Variants in ABCA7 observed in about 807,000 individuals in gnomAD.
The protein encoded by ABCA7 is phospholipid-transporting ATPase ABCA7.
In ABCA7, 261 loss-of-function variants were observed where a neutral mutation model predicts 227.6. That is an observed-to-expected ratio of 1.15 (90% CI 1.04 to 1.27). The LOEUF (loss-of-function observed/expected upper bound fraction) is 1.27, where lower values mean the gene tolerates loss of function less well. ABCA7 is among the 50% of genes most tolerant of loss of function. The probability of loss-of-function intolerance (pLI) is 0.00; values close to 1 mark genes in which losing one functional copy is unlikely to be tolerated. For synonymous variants in ABCA7, 1,488 were observed against 1,279.7 expected (o/e 1.16, Z -3.47); for missense variants, 3,331 against 2,924.5 (o/e 1.14, Z -3.21).
chr19:1,050,197 G>C (rs897445422), intron 18 of ABCA7, among the ~76,000 whole-genome samples: 4 of 150,770 alleles, frequency 2.7e-5, no homozygotes, highest in Non-Finnish European at 5.9e-5. Context: ...GATTGCCTGA[G>C]GTCAGAGTTT....
At position 1,049,366 on chromosome 19, in the gene ABCA7, C is replaced by T. The variant is rs553617492; in HGVS notation, c.2481C>T (p.Leu827=). The change falls in exon 18 of 47, where the codon CTC becomes CTT. Residue 827 remains leucine, a synonymous_variant. Coordinates refer to ENST00000263094, the MANE Select transcript of ABCA7 (RefSeq NM_019112.4). ...PGSPQPALRG[L]SLDFYQGHIT... is the part of the protein sequence containing the mutation. ...GCCCGCAGCCAGCCCTGCGGGGGCT[C>T]AGCCTGGACTTCTACCAGGGCCACA... 2.1e-5 allele frequency: 34 copies of T among 1,611,400 alleles called. No homozygotes were observed. Among genetic ancestry groups the T allele is most frequent in the Admixed American group, 5.0e-5 (3 of 59,912 alleles).
At chr19:1,053,212 A>C in intron 23 of ABCA7, 117 bp from the exon 24 acceptor site, 2 of 1,129,588 alleles carry the variant, frequency 1.8e-6, no homozygotes, top group South Asian at 1.5e-5. Context: ...CTACGTTCTT[A>C]ACCCTGATCT....
At position 1,047,325 on chromosome 19, in the gene ABCA7, G is replaced by A. The variant is rs543428100; in HGVS notation, c.2014G>A (p.Val672Met). ...LAYFSLYLPY[V>M]LCVAWRDRLP... ...CTACTTCTCCCTCTACCTGCCCTAC[G>A]TGCTGTGTGTGGCTTGGCGGGACCG... The change falls in exon 15 of 47, where the codon GTG becomes ATG. Residue 672 changes from valine (V) to methionine (M), a missense_variant. Physicochemically the swap from Val to Met is conservative, Grantham distance 21. Transcript: ENST00000263094. 1.1e-5 allele frequency: 18 copies of A among 1,600,254 alleles called. No individual in the cohort carries two copies. In the South Asian group the frequency reaches 2.0e-4, roughly 18 times the overall value.
At chr19:1,049,517 C>CTG (rs1478879034) in intron 18 of ABCA7, 80 bp downstream of exon 18, 1 of 143,864 alleles carries the variant, frequency 7.0e-6, no homozygotes. Context: ...TCCCCGTGAG[C>CTG]CCCCCACCAC....
At chr19:1,045,690 G>A (rs1270653266) in intron 12 of ABCA7, 3 of 143,534 alleles carry the variant, frequency 2.1e-5, no homozygotes, top group East Asian at 2.4e-4. Context: ...CCAACCTCAC[G>A]AAAATATCTT....
Position 1,064,973 on chromosome 19 carries a change from A to G in ABCA7, c.6087A>G (p.Ala2029=). ...GHTLTLRVPA[A]RSQPAAAFVA... is the part of the protein sequence containing the mutation. ...CACTGACCCTGCGGGTGCCCGCCGC[A>G]AGGTCCCAGCCGGCAGCGGCCTTCG... Residue 2029 remains alanine (A), a synonymous_variant, in exon 46 of 47, where the codon GCA becomes GCG. Coordinates refer to ENST00000263094, the MANE Select transcript of ABCA7 (RefSeq NM_019112.4). 6.4e-7 allele frequency: 1 copy of G among 1,552,470 alleles called. No individual in the cohort carries two copies. The highest frequency in any genetic ancestry group is 1.4e-5 in the African/African-American group (1 of 73,096).
chr19:1,062,036 C>G (rs2042690040), intron 41 of ABCA7, 136 bp from the exon 42 acceptor site: 2 of 1,461,526 alleles, frequency 1.4e-6, no homozygotes, highest in Non-Finnish European at 1.8e-6. Flanking sequence ...ACCTCCCACA[C>G]GCGGACCAGG....
chr19:1,046,195 C>A (rs773550406), intron 12 of ABCA7, 35 bp from the exon 13 acceptor site: 1 of 1,599,184 alleles, frequency 6.3e-7, no homozygotes, highest in Non-Finnish European at 8.5e-7. Flanking sequence ...GTTTCTAGCC[C>A]TTCCCTACAA....
intron 24 of ABCA7, 31 bp from the exon 25 acceptor site, chr19:1,053,757 C>T: frequency 6.2e-7 from 1 of 1,600,208 alleles, no homozygotes; most frequent in Non-Finnish European, 8.5e-7. Context: ...CTGTCGGTGT[C>T]CAGTCTCTGA....
Position 1,046,220 on chromosome 19 carries a change from C to T in ABCA7, c.1446-10C>T. On this transcript the variant is annotated splice_polypyrimidine_tract_variant and intron_variant, in intron 12 of 46. Transcript: ENST00000263094. ...CTTCCCTACAACCGGCCACCATGCC[C>T]CTCTCGCAGGTTTTGGGACCCTGGC... The T allele has an allele frequency of 4.4e-6, 7 of 1,605,752 alleles. No individual in the cohort carries two copies. Among genetic ancestry groups the T allele is most frequent in the South Asian group, 1.1e-5 (1 of 91,016 alleles).
In ABCA7 at chr19:1,047,437, G is replaced by A. The variant is rs762720910; in HGVS notation, c.2068-16G>A. 12 of 1,537,884 alleles carry A rather than the reference G, an allele frequency of 7.8e-6. No individual in the cohort carries two copies. The highest frequency in any genetic ancestry group is 2.7e-5 in the African/African-American group (2 of 73,258). Reference sequence around the variant, plus strand: ...CCCCCGCTTCGGCCGCTCACTGACCGCCCGCTTTTCCGCAGAGCCTGCTGT... The same window carrying A: ...CCCCCGCTTCGGCCGCTCACTGACCACCCGCTTTTCCGCAGAGCCTGCTGT... On this transcript the variant is annotated splice_polypyrimidine_tract_variant and intron_variant, in intron 15 of 46. Coordinates refer to ENST00000263094, the MANE Select transcript of ABCA7 (RefSeq NM_019112.4).
chr19:1,057,106 G>A lies in ABCA7; in HGVS notation c.4764+22G>A, dbSNP rs761767971. 8.7e-6 allele frequency: 14 copies of A among 1,602,916 alleles called. No individual in the cohort carries two copies. In the South Asian group the frequency reaches 1.3e-4, roughly 15 times the overall value. ...CATGGTGCGGGGGCTGCTTGGACGG[G>A]TGGGGGCCCAGCCACTGCTTGCCAC... On this transcript the variant is annotated intron_variant, in intron 34 of 46. Coordinates refer to ENST00000263094, the MANE Select transcript of ABCA7 (RefSeq NM_019112.4).
chr19:1,050,938 T>A lies in ABCA7; in HGVS notation c.2570T>A (p.Leu857His), dbSNP rs1420768474. 2 of 1,608,976 alleles carry A rather than the reference T, an allele frequency of 1.2e-6. No individual in the cohort carries two copies. The highest frequency in any genetic ancestry group is 3.3e-5 in the Admixed American group (2 of 59,740). ...KTTTLSILSGLFPPSGGSAFI... is the reference protein window; with the variant it reads ...KTTTLSILSGHFPPSGGSAFI... Reference sequence around the variant, plus strand: ...ATCCACAGGTCCATCTTGAGTGGCCTCTTCCCACCCAGTGGTGGCTCTGCC... The same window carrying A: ...ATCCACAGGTCCATCTTGAGTGGCCACTTCCCACCCAGTGGTGGCTCTGCC... Residue 857 changes from leucine (L) to histidine (H), a missense_variant, in exon 19 of 47, where the codon CTC becomes CAC. Leu to His is a moderately conservative substitution (Grantham distance 99). Transcript: ENST00000263094.
chr19:1,045,174 G>A lies in ABCA7; in HGVS notation c.1388G>A (p.Arg463His), dbSNP rs3752233. The change falls in exon 12 of 47, where the codon CGC becomes CAC. Residue 463 changes from arginine to histidine, a missense_variant. Transcript: ENST00000263094. The part of the protein sequence containing the change: ...PTPDLGPGHV[R>H]IKIRMDIDVV... ...CCAGACCTGGGCCCCGGCCACGTGC[G>A]CATCAAAATCCGCATGGACATTGAC... The A allele has an allele frequency of 0.042, 67,936 of 1,610,838 alleles. 1,999 individuals carry two copies. Among genetic ancestry groups the A allele is most frequent in the East Asian group, 0.16 (7,317 of 44,840 alleles).
At position 1,052,144 on chromosome 19, in the gene ABCA7, C is replaced by T. The variant is rs764848867; in HGVS notation, c.3147+18C>T. 6.2e-6 allele frequency: 10 copies of T among 1,610,698 alleles called. No homozygotes were observed. The highest frequency in any genetic ancestry group is 1.7e-4 in the Middle Eastern group (1 of 6,054). ...ATGAGAAGGTGGGGACCGGCCTTCT[C>T]CTGACCCCTGACCCCCGGGACTCTG... On this transcript the variant is annotated intron_variant, in intron 22 of 46. Coordinates refer to ENST00000263094, the MANE Select transcript of ABCA7 (RefSeq NM_019112.4).
At position 1,052,291 on chromosome 19, in the gene ABCA7, G is replaced by A; in HGVS notation, c.3220+5G>A. 1 of 1,537,180 alleles carries A rather than the reference G, an allele frequency of 6.5e-7. No homozygotes were observed. The highest frequency in any genetic ancestry group is 8.7e-7 in the Non-Finnish European group (1 of 1,143,630). On this transcript the variant is annotated splice_donor_5th_base_variant and intron_variant, in intron 23 of 46. Transcript: ENST00000263094. Reference sequence around the variant, plus strand: ...GCAGCCAGGGCAGCAGAGTCGGTGAGGGCCGGGGTGGGAGACCCAAGGCGG... The same window carrying A: ...GCAGCCAGGGCAGCAGAGTCGGTGAAGGCCGGGGTGGGAGACCCAAGGCGG...
chr19:1,054,106 A>G lies in ABCA7; in HGVS notation c.3573A>G (p.Glu1191=). ...AGGAGACAGCGCTGGAGAACGGGGA[A>G]CCAGGTAAGTCCTTCCCAGTGGCCC... is the stretch of plus-strand genomic sequence containing the variant. ...PPQETALENG[E]PAGSAPETDQ... is the part of the protein sequence containing the mutation. The change falls in exon 26 of 47, where the codon GAA becomes GAG. Residue 1191 remains glutamate (E), a synonymous_variant. Coordinates refer to ENST00000263094, the MANE Select transcript of ABCA7 (RefSeq NM_019112.4). The surrounding 1 kb of genome is among the most constrained non-coding windows in gnomAD (Gnocchi z 4.8). 1 of 1,613,086 alleles carries G rather than the reference A, an allele frequency of 6.2e-7. No individual in the cohort carries two copies. Among genetic ancestry groups the G allele is most frequent in the Non-Finnish European group, 8.5e-7 (1 of 1,179,914 alleles).
Position 1,058,869 on chromosome 19 carries a change from G to C in ABCA7, c.5329G>C (p.Ala1777Pro). 1 of 1,578,784 alleles carries C rather than the reference G, an allele frequency of 6.3e-7. No homozygotes were observed. The highest frequency in any genetic ancestry group is 8.6e-7 in the Non-Finnish European group (1 of 1,159,074). Reference sequence around the variant, plus strand: ...CCTGGGAGAGGAGGACGAGGATGTAGCCCGTGAACGGGAGCGGGTGGTCCA... The same window carrying C: ...CCTGGGAGAGGAGGACGAGGATGTACCCCGTGAACGGGAGCGGGTGGTCCA... ...PLLGEEDEDV[A>P]RERERVVQGA... Residue 1777 changes from alanine (A) to proline (P), a missense_variant, in exon 39 of 47, where the codon GCC becomes CCC. Physicochemically the swap from Ala to Pro is conservative, Grantham distance 27 (BLOSUM62 -1). Coordinates refer to ENST00000263094, the MANE Select transcript of ABCA7 (RefSeq NM_019112.4).
chr19:1,062,461 C>G (rs954228420), intron 42 of ABCA7, 148 bp downstream of exon 42: 2 of 1,289,550 alleles, frequency 1.6e-6, no homozygotes, highest in Non-Finnish European at 2.1e-6. Context: ...CCCTATACCT[C>G]TGTCCCCCAT....
Sources: gnomAD v4.1 joint callset for allele counts (sites outside exome capture counted in the v4.1 genomes callset) on GRCh38, gnomAD v4.1.1 for gene constraint, Gnocchi (gnomAD v3.1) non-coding constraint, MANE v1.5 for transcripts, NCBI Gene and HGNC (gene_info 2026-07-23, HGNC 2026-07-21) for gene names.